CYP39A1: variants seen among roughly 807,000 people sequenced by gnomAD.
CYP39A1 encodes 24-hydroxycholesterol 7-alpha-hydroxylase.
Under a neutral mutation model 58.1 loss-of-function variants are expected in CYP39A1, and 49 were observed. The observed-to-expected ratio is 0.84, with a 90% confidence interval of 0.67 to 1.07. The LOEUF (loss-of-function observed/expected upper bound fraction) is 1.07, where lower values mean the gene tolerates loss of function less well. CYP39A1 is among the 50% of genes least tolerant of loss of function. CYP39A1 has a pLI of 0.00. For synonymous variants in CYP39A1, 209 were observed against 187.6 expected (o/e 1.11, Z -0.93); for missense variants, 531 against 539.4 (o/e 0.98, Z 0.16).
chr6:46,616,832 T>A (rs1268015414), intron 7 of CYP39A1, among the ~76,000 whole-genome samples: 1 of 152,062 alleles, frequency 6.6e-6, no homozygotes, highest in African/African-American at 2.4e-5. Flanking sequence ...ATTTGAAGGC[T>A]TTAGATTTCA....
At chr6:46,616,178 TCTTTCTTTCTTCTTTCCCTCCCTCCCTCC>T (rs1774559857) in intron 7 of CYP39A1, among the ~76,000 whole-genome samples, 1 of 34,912 alleles carries the variant, frequency 2.9e-5, no homozygotes. Flanking sequence ...TTTCTTTCTT[TCTTTCTTTCTTCTTTCCCTCCCTCCCTCC>T]CTCCCTCCCT....
At chr6:46,566,789 A>T (rs1771309039) in intron 10 of CYP39A1, among the ~76,000 whole-genome samples, 1 of 151,864 alleles carries the variant, frequency 6.6e-6, no homozygotes, top group Admixed American at 6.6e-5. Flanking sequence ...TCAAAATATA[A>T]ATAAATAAGA....
chr6:46,582,685 A>C (rs1772204044), intron 10 of CYP39A1, among the ~76,000 whole-genome samples: 1 of 151,768 alleles, frequency 6.6e-6, no homozygotes. Context: ...GCTGTTAAGT[A>C]GGGCTTTTTT....
chr6:46,625,517 G>C lies in CYP39A1; in HGVS notation c.841-9C>G. 6.3e-7 allele frequency: 1 copy of C among 1,590,294 alleles called. No homozygotes were observed. Among genetic ancestry groups the C allele is most frequent in the Non-Finnish European group, 8.6e-7 (1 of 1,163,388 alleles). ...AGTGTCCAAAATGCAACCTTAAAAA[G>C]AAAAACATATATCAAAAATATGAAC... On this transcript the variant is annotated splice_polypyrimidine_tract_variant and intron_variant, in intron 6 of 11. Coordinates refer to ENST00000275016, the MANE Select transcript of CYP39A1 (RefSeq NM_016593.5).
In CYP39A1 at chr6:46,582,313, A is replaced by G. The variant is rs181689910; in HGVS notation, c.1250+4764T>C. 1.6e-4 allele frequency among the ~76,000 whole-genome samples: 25 copies of G among 152,312 alleles called. No individual in the cohort carries two copies. The East Asian group carries it at 4.4e-3, about 27-fold the overall frequency. On this transcript the variant is annotated intron_variant, in intron 10 of 11. Transcript: ENST00000275016. ...AAGTATAAAAGGGAGAAAGCTACTA[A>G]TAACACTTCTCAAATACAAGAGTGT...
At chr6:46,607,099 C>A (rs895662131) in intron 7 of CYP39A1, among the ~76,000 whole-genome samples, 1 of 152,098 alleles carries the variant, frequency 6.6e-6, no homozygotes, top group Non-Finnish European at 1.5e-5. Context: ...ATACTGAAAG[C>A]CTTCAACCTT....
In CYP39A1 at chr6:46,557,933, CAAAAAAA is replaced by C. The variant is rs1186594398; in HGVS notation, c.1251-4086_1251-4080del. The stretch of plus-strand genomic sequence containing the variant: ...CCTGGGAGACAGCAAGACTCCATCT[CAAAAAAA>C]AAAAAAAAAAAAAAGAAAAAAAGAA... On this transcript the variant is annotated intron_variant, in intron 10 of 11. Coordinates refer to ENST00000275016, the MANE Select transcript of CYP39A1 (RefSeq NM_016593.5). 1.8e-3 allele frequency among the ~76,000 whole-genome samples: 66 copies of C among 37,628 alleles called. No individual in the cohort carries two copies. The East Asian group carries it at 0.033, about 19-fold the overall frequency. 24.7% of individuals were successfully genotyped at this position (37,628 alleles called of 152,430 possible). A position where few individuals can be genotyped will look rare whatever the true frequency, so the allele number is the denominator to read the frequency against.
chr6:46,600,957 C>A (rs1052229389), intron 7 of CYP39A1, among the ~76,000 whole-genome samples: 1 of 152,126 alleles, frequency 6.6e-6, no homozygotes, highest in African/African-American at 2.4e-5. Context: ...GTACTAATTT[C>A]AATGGGCATC....
chr6:46,648,945 T>TA (rs1490403531), intron 1 of CYP39A1, among the ~76,000 whole-genome samples: 1 of 152,224 alleles, frequency 6.6e-6, no homozygotes, highest in Non-Finnish European at 1.5e-5. Context: ...GTCTCATGCT[T>TA]AAAAAATGGT....
chr6:46,588,155 T>A (rs1772591261), intron 8 of CYP39A1, 26 bp from the exon 9 acceptor site: 2 of 1,441,534 alleles, frequency 1.4e-6, no homozygotes, highest in East Asian at 4.7e-5. Context: ...CAGCTGCAAA[T>A]CATTTTTTTG....
chr6:46,568,040 C>A (rs1254378211), intron 10 of CYP39A1, among the ~76,000 whole-genome samples: 2 of 151,868 alleles, frequency 1.3e-5, no homozygotes, highest in South Asian at 2.1e-4. Context: ...TTTCTCATGG[C>A]TTCTTGACTC....
At chr6:46,621,643 T>C (rs1305167736) in intron 7 of CYP39A1, among the ~76,000 whole-genome samples, 1 of 152,058 alleles carries the variant, frequency 6.6e-6, no homozygotes, top group Non-Finnish European at 1.5e-5. Flanking sequence ...AATAGACCAG[T>C]AACAAGTAGA....
chr6:46,567,271 G>A (rs571192139), intron 10 of CYP39A1, among the ~76,000 whole-genome samples: 3 of 152,082 alleles, frequency 2.0e-5, no homozygotes, highest in Admixed American at 6.6e-5. Flanking sequence ...TTAGTATAAT[G>A]TCTTCCAGGT....
In CYP39A1 at chr6:46,640,664, A is replaced by G. The variant is rs557838526; in HGVS notation, c.314-996T>C. On this transcript the variant is annotated intron_variant, in intron 2 of 11. Coordinates refer to ENST00000275016, the MANE Select transcript of CYP39A1 (RefSeq NM_016593.5). ...CAAAGGGTACATGTGCAGGTTTGTTATACAAGTATATTGTGTTATGCTGAG... is the reference window on the plus strand; with the variant it reads ...CAAAGGGTACATGTGCAGGTTTGTTGTACAAGTATATTGTGTTATGCTGAG... Among the ~76,000 whole-genome samples, 32 of 152,236 alleles carry G rather than the reference A, an allele frequency of 2.1e-4. No individual in the cohort carries two copies. The South Asian group carries it at 3.1e-3, about 15-fold the overall frequency.
intron 5 of CYP39A1, among the ~76,000 whole-genome samples, chr6:46,634,677 A>T (rs1208120573): frequency 2.0e-5 from 3 of 151,802 alleles, no homozygotes; most frequent in African/African-American, 7.3e-5. Context: ...GCGCACCACC[A>T]TGCCAGGCTA....
chr6:46,566,174 G>C (rs1344860457), intron 10 of CYP39A1, among the ~76,000 whole-genome samples: 1 of 152,178 alleles, frequency 6.6e-6, no homozygotes, highest in African/African-American at 2.4e-5. Flanking sequence ...AGCCAGGATT[G>C]TTCTAATGGT....
In CYP39A1 at chr6:46,631,087, A is replaced by G. The variant is rs1188871164; in HGVS notation, c.733-17T>C. On this transcript the variant is annotated splice_polypyrimidine_tract_variant and intron_variant, in intron 5 of 11. Coordinates refer to ENST00000275016, the MANE Select transcript of CYP39A1 (RefSeq NM_016593.5). ...CAATAATGTCTGTTTAAAAGAAATAAACATTGCCAAACCATGGCTATGTGA... is the reference window on the plus strand; with the variant it reads ...CAATAATGTCTGTTTAAAAGAAATAGACATTGCCAAACCATGGCTATGTGA... The G allele has an allele frequency of 6.4e-7, 1 of 1,555,176 alleles. No individual in the cohort carries two copies. Among genetic ancestry groups the G allele is most frequent in the Admixed American group, 1.7e-5 (1 of 59,420 alleles).
chr6:46,585,356 TAGATAGAC>T lies in CYP39A1; in HGVS notation c.1250+1713_1250+1720del, dbSNP rs765943784. 7.3e-5 allele frequency among the ~76,000 whole-genome samples: 11 copies of T among 151,172 alleles called. No individual in the cohort carries two copies. The South Asian group carries it at 1.7e-3, about 23-fold the overall frequency. ...ATAGATAGATAGATAGATAGATAGA[TAGATAGAC>T]AGACAGATAGCTAGATATAGTGATA... On this transcript the variant is annotated intron_variant, in intron 10 of 11. Transcript: ENST00000275016.
chr6:46,619,304 T>A (rs1774818325), intron 7 of CYP39A1, among the ~76,000 whole-genome samples: 1 of 152,158 alleles, frequency 6.6e-6, no homozygotes, highest in Non-Finnish European at 1.5e-5. Context: ...CTTACATTTG[T>A]TCATTAAACT....
Sources: allele counts gnomAD v4.1 joint callset (sites outside exome capture counted in the v4.1 genomes callset), GRCh38; gene constraint gnomAD v4.1.1; transcripts MANE v1.5; gene names NCBI Gene and HGNC (gene_info 2026-07-23, HGNC 2026-07-21).